The following FAM149B1 variants were observed in gnomAD, a reference collection of about 807,000 sequenced individuals.
FAM149B1 encodes the protein family with sequence similarity 149 member B1.
In FAM149B1, 56 loss-of-function variants were observed where a neutral mutation model predicts 75.3. The observed-to-expected ratio is 0.74, with a 90% CI of 0.60 to 0.93. FAM149B1 has a LOEUF of 0.93. Among genes scored for constraint, FAM149B1 ranks in the 40% least tolerant of loss-of-function variants. FAM149B1 has a pLI of 0.00. For missense variants in FAM149B1, 639 were observed against 708.4 expected, an observed-to-expected ratio of 0.90 and a Z score of 1.11; for synonymous variants, 259 against 256.1, an observed-to-expected ratio of 1.01 and a Z score of -0.11.
intron 1 of FAM149B1, among the ~76,000 whole-genome samples, chr10:73,172,806 A>G (rs1362653631): frequency 6.6e-6 from 1 of 152,148 alleles, no homozygotes; most frequent in African/African-American, 2.4e-5. Flanking sequence ...TCACATTAAA[A>G]AAGAAAGGTG....
intron 2 of FAM149B1, among the ~76,000 whole-genome samples, chr10:73,176,497 T>C (rs1464268852): frequency 3.9e-5 from 6 of 152,212 alleles, no homozygotes; most frequent in African/African-American, 1.4e-4. Flanking sequence ...ATATTAGCTG[T>C]AGTTATTTTA....
At position 73,168,378 on chromosome 10, in the gene FAM149B1, C is replaced by A. The variant is rs1325420794; in HGVS notation, c.39C>A (p.Ser13Arg). ...ACACTCGGAAGGCGGTGCCACAGAGCTTGGAGCTGTGAGTGGACTGCTCAG... is the reference window on the plus strand; with the variant it reads ...ACACTCGGAAGGCGGTGCCACAGAGATTGGAGCTGTGAGTGGACTGCTCAG... The part of the protein sequence containing the change: ...SRYTRKAVPQ[S>R]LELKGITKHA... The change falls in exon 1 of 14, where the codon AGC (serine) becomes AGA (arginine). Residue 13 changes from serine to arginine, a missense_variant. Physicochemically the swap from Ser to Arg is moderately radical, Grantham distance 110. Transcript: ENST00000242505. The A allele has an allele frequency of 2.9e-5, 45 of 1,549,790 alleles. No homozygotes were observed. Among genetic ancestry groups the A allele is most frequent in the Non-Finnish European group, 3.8e-5 (44 of 1,146,804 alleles).
intron 5 of FAM149B1, 96 bp from the exon 6 acceptor site, chr10:73,208,523 G>A: frequency 1.3e-6 from 1 of 749,638 alleles, no homozygotes; most frequent in Non-Finnish European, 2.1e-6. Context: ...TATTGCCAGG[G>A]CAAGGGGAGT....
At chr10:73,217,100 T>C (rs2043313322) in intron 7 of FAM149B1, among the ~76,000 whole-genome samples, 1 of 152,210 alleles carries the variant, frequency 6.6e-6, no homozygotes, top group African/African-American at 2.4e-5. Flanking sequence ...CTCAGGATAA[T>C]GATTTTGAGA....
chr10:73,168,224 A>T lies in FAM149B1; in HGVS notation c.-116A>T. The stretch of plus-strand genomic sequence containing the variant: ...GGTGACGGGGCGAGACGGGGCCGGT[A>T]GGTGGCGGGAGGGGCCGGGCCGGAG... On this transcript the variant is annotated 5_prime_UTR_variant, in exon 1 of 14. Transcript: ENST00000242505. 1 of 1,087,444 alleles carries T rather than the reference A, an allele frequency of 9.2e-7. No homozygotes were observed. The allele number at this position is 1,087,444 out of a possible 1,614,324, so 67.4% of individuals were successfully genotyped here. A position where few individuals can be genotyped will look rare whatever the true frequency, so the allele number is the denominator to read the frequency against.
chr10:73,177,139 G>T (rs865846840), intron 2 of FAM149B1, among the ~76,000 whole-genome samples: 2 of 151,992 alleles, frequency 1.3e-5, no homozygotes, highest in South Asian at 2.1e-4. Context: ...AGGAGGCGGA[G>T]GTTGCAGTGA....
At chr10:73,213,202 T>C (rs1485322963) in intron 7 of FAM149B1, among the ~76,000 whole-genome samples, 1 of 152,212 alleles carries the variant, frequency 6.6e-6, no homozygotes, top group Non-Finnish European at 1.5e-5. Flanking sequence ...TCTTATTGGG[T>C]TGAAATCCTT....
At chr10:73,227,991 T>G in intron 7 of FAM149B1, 69 bp from the exon 8 acceptor site, 1 of 1,463,648 alleles carries the variant, frequency 6.8e-7, no homozygotes, top group South Asian at 1.2e-5. Flanking sequence ...GGAGAGATCT[T>G]TTTTCACAAT....
At chr10:73,227,260 A>T (rs2133394239) in intron 7 of FAM149B1, among the ~76,000 whole-genome samples, 1 of 151,220 alleles carries the variant, frequency 6.6e-6, no homozygotes, top group South Asian at 2.1e-4. Flanking sequence ...GCTAATTTTA[A>T]TTTTTTTTGT....
At chr10:73,171,079 C>T (rs1843691832) in intron 1 of FAM149B1, among the ~76,000 whole-genome samples, 1 of 151,942 alleles carries the variant, frequency 6.6e-6, no homozygotes, top group African/African-American at 2.4e-5. Flanking sequence ...AGTGATTCTT[C>T]CACCTCAGCT....
intron 2 of FAM149B1, among the ~76,000 whole-genome samples, chr10:73,175,964 G>C (rs57173610): frequency 0.16 from 23,966 of 152,030 alleles, 3,149 homozygotes; most frequent in African/African-American, 0.34. Flanking sequence ...TGGGGTGAGG[G>C]ATGGTTTCAG....
intron 7 of FAM149B1, among the ~76,000 whole-genome samples, chr10:73,223,164 G>A (rs2043456921): frequency 6.6e-6 from 1 of 152,108 alleles, no homozygotes; most frequent in African/African-American, 2.4e-5. Flanking sequence ...CCCAGATCAA[G>A]AATATTGCCA....
intron 12 of FAM149B1, among the ~76,000 whole-genome samples, chr10:73,236,615 T>A (rs895638037): frequency 2.0e-5 from 3 of 151,958 alleles, no homozygotes; most frequent in African/African-American, 7.3e-5. Context: ...GGTTTTGCCA[T>A]CTTGGCCAGG....
At chr10:73,206,232 C>T (rs757155076) in intron 5 of FAM149B1, among the ~76,000 whole-genome samples, 10 of 152,134 alleles carry the variant, frequency 6.6e-5, no homozygotes, top group African/African-American at 1.7e-4. Flanking sequence ...AGAGTCATGA[C>T]GTAGGGTATT....
In FAM149B1 at chr10:73,193,495, A is replaced by C; in HGVS notation, c.444A>C (p.Ile148=). The C allele has an allele frequency of 1.3e-6, 2 of 1,549,516 alleles. No homozygotes were observed. Among genetic ancestry groups the C allele is most frequent in the Non-Finnish European group, 1.7e-6 (2 of 1,146,556 alleles). Residue 148 remains isoleucine, a synonymous_variant, in exon 5 of 14, where the codon ATA becomes ATC. Coordinates refer to ENST00000242505, the MANE Select transcript of FAM149B1 (RefSeq NM_173348.2). ...FPHLRILGRQ[I]ITPSEGYRLY... is the part of the protein sequence containing the mutation. ...TTTGAAGGATTCTAGGTAGGCAGATAATCACTCCAAGTGAAGGTTATAGAT... is the reference window on the plus strand; with the variant it reads ...TTTGAAGGATTCTAGGTAGGCAGATCATCACTCCAAGTGAAGGTTATAGAT...
chr10:73,193,411 A>C (rs1421484598), intron 4 of FAM149B1, 66 bp from the exon 5 acceptor site: 1 of 1,479,328 alleles, frequency 6.8e-7, no homozygotes, highest in East Asian at 2.5e-5. Flanking sequence ...TGTCCAAAAT[A>C]TATCTAGATT....
chr10:73,175,340 A>G (rs1356695147), intron 2 of FAM149B1, among the ~76,000 whole-genome samples: 1 of 152,210 alleles, frequency 6.6e-6, no homozygotes, highest in Non-Finnish European at 1.5e-5. Context: ...ACGATACTCC[A>G]GCCTGGGTGA....
At chr10:73,225,317 C>T (rs906115634) in intron 7 of FAM149B1, among the ~76,000 whole-genome samples, 1 of 152,154 alleles carries the variant, frequency 6.6e-6, no homozygotes, top group East Asian at 1.9e-4. Flanking sequence ...TGTTACACAA[C>T]CTTTGAAGAC....
Position 73,213,978 on chromosome 10 carries a change from A to G in FAM149B1, c.898+3540A>G, listed in dbSNP as rs2043244351. Among the ~76,000 whole-genome samples the G allele has an allele frequency of 2.0e-5, 3 of 152,196 alleles. No homozygotes were observed. In the South Asian group the frequency reaches 6.2e-4, roughly 32 times the overall value. ...ATGGGATGTTTTTCCATGTGTTTGT[A>G]TCATCTATGAATTCTTTAGTCAGTG... On this transcript the variant is annotated intron_variant, in intron 7 of 13. Coordinates refer to ENST00000242505, the MANE Select transcript of FAM149B1 (RefSeq NM_173348.2).
Sources: allele counts gnomAD v4.1 joint callset (sites outside exome capture counted in the v4.1 genomes callset), GRCh38; gene constraint gnomAD v4.1.1; transcripts MANE v1.5; gene names NCBI Gene and HGNC (gene_info 2026-07-23, HGNC 2026-07-21).